EHBP1: variants seen among roughly 807,000 people sequenced by gnomAD.
EHBP1 encodes EH domain binding protein 1.
In EHBP1, 55 loss-of-function variants were observed where a neutral mutation model predicts 144.0. The observed-to-expected ratio is 0.38, with a 90% CI of 0.31 to 0.48. EHBP1 has a LOEUF of 0.48. Ranked by LOEUF, EHBP1 falls within the 20% of genes least tolerant of loss-of-function variation. EHBP1 has a pLI of 0.98. For synonymous variants in EHBP1, 469 were observed against 472.7 expected (o/e 0.99, Z 0.10); for missense variants, 1,200 against 1,364.2 (o/e 0.88, Z 1.90).
At chr2:62,858,653 C>T (rs1452408591) in intron 7 of EHBP1, 1 of 595,512 alleles carries the variant, frequency 1.7e-6, no homozygotes, top group Admixed American at 2.7e-5. Context: ...ATTTGTAGTG[C>T]ACCAACAGGC....
intron 19 of EHBP1, among the ~76,000 whole-genome samples, chr2:63,020,772 A>T (rs1422081812): frequency 6.6e-6 from 1 of 151,216 alleles, no homozygotes; most frequent in Non-Finnish European, 1.5e-5. Flanking sequence ...TTTGCCTCCC[A>T]GGTTCAAGCC....
intron 5 of EHBP1, among the ~76,000 whole-genome samples, chr2:62,780,870 G>T (rs1396636881): frequency 6.6e-6 from 1 of 151,716 alleles, no homozygotes; most frequent in African/African-American, 2.4e-5. Flanking sequence ...CTTGTTTTCT[G>T]GTTCTGTTTT....
At chr2:62,684,859 T>A (rs2033664888) in intron 1 of EHBP1, among the ~76,000 whole-genome samples, 1 of 152,198 alleles carries the variant, frequency 6.6e-6, no homozygotes, top group South Asian at 2.1e-4. Context: ...AGGGCAGCCA[T>A]AACAAAGTAC....
In EHBP1 at chr2:62,948,426, G is replaced by A. The variant is rs2057188559; in HGVS notation, c.1580G>A (p.Ser527Asn). 2 of 1,613,802 alleles carry A rather than the reference G, an allele frequency of 1.2e-6. No homozygotes were observed. The highest frequency in any genetic ancestry group is 2.2e-5 in the South Asian group (2 of 91,024). Residue 527 changes from serine (S) to asparagine (N), a missense_variant, in exon 13 of 23, where the codon AGT (serine) becomes AAT (asparagine). Transcript: ENST00000431489. ...LNVVQIEENS[S>N]KSTYKVGNYE... ...GTCGTTCAGATAGAGGAAAACAGCA[G>A]TAAAAGCACATATAAAGTTGGAAAC...
chr2:62,816,831 TC>T (rs1364876356), intron 5 of EHBP1, among the ~76,000 whole-genome samples: 1 of 152,024 alleles, frequency 6.6e-6, no homozygotes, highest in African/African-American at 2.4e-5. Context: ...CATTCCCTTT[TC>T]CCCCCACATA....
intron 9 of EHBP1, 74 bp from the exon 10 acceptor site, chr2:62,874,272 G>T: frequency 8.3e-7 from 1 of 1,202,710 alleles, no homozygotes; most frequent in Admixed American, 2.6e-5. Flanking sequence ...AGTTTTCAGT[G>T]CATGTTTTAT....
intron 7 of EHBP1, among the ~76,000 whole-genome samples, chr2:62,857,903 T>G (rs935763645): frequency 6.6e-6 from 1 of 152,110 alleles, no homozygotes; most frequent in African/African-American, 2.4e-5. Context: ...TGTTGCTTTT[T>G]TCTTGTTTTA....
At chr2:62,838,244 G>A (rs2047463634) in intron 7 of EHBP1, among the ~76,000 whole-genome samples, 1 of 151,960 alleles carries the variant, frequency 6.6e-6, no homozygotes, top group Non-Finnish European at 1.5e-5. Flanking sequence ...ATGACTACTG[G>A]GTACATAACG....
chr2:62,900,284 A>C (rs1245496031), intron 10 of EHBP1, among the ~76,000 whole-genome samples: 2 of 152,182 alleles, frequency 1.3e-5, no homozygotes, highest in African/African-American at 2.4e-5. Context: ...TGATGTTCAC[A>C]GGCTTTTTTG....
At chr2:62,899,929 T>C (rs2053257324) in intron 10 of EHBP1, among the ~76,000 whole-genome samples, 1 of 152,260 alleles carries the variant, frequency 6.6e-6, no homozygotes. Flanking sequence ...GAGTGGGTGC[T>C]GTTGTCTCCA....
intron 9 of EHBP1, among the ~76,000 whole-genome samples, chr2:62,868,177 C>G (rs1280405029): frequency 6.6e-6 from 1 of 152,092 alleles, no homozygotes; most frequent in Non-Finnish European, 1.5e-5. Flanking sequence ...GAGTTCAAGA[C>G]CAGCGTGGCC....
At position 62,798,153 on chromosome 2, in the gene EHBP1, C is replaced by T. The variant is rs773500951; in HGVS notation, c.312+26761C>T. ...AGGCCGAGGGAGGCGGATCACTTAA[C>T]GTCAGGAGTTTGAGACTAACCTGGC... On this transcript the variant is annotated intron_variant, in intron 5 of 22. Coordinates refer to ENST00000431489, the MANE Select transcript of EHBP1 (RefSeq NM_001142616.3). Among the ~76,000 whole-genome samples, 4 of 151,928 alleles carry T rather than the reference C, an allele frequency of 2.6e-5. No individual in the cohort carries two copies. The South Asian group carries it at 8.3e-4, about 32-fold the overall frequency.
At chr2:62,815,711 A>G (rs2045388620) in intron 5 of EHBP1, among the ~76,000 whole-genome samples, 2 of 152,204 alleles carry the variant, frequency 1.3e-5, no homozygotes, top group South Asian at 4.1e-4. Context: ...ATTATATGTC[A>G]ATGACAAAGT....
At position 62,962,235 on chromosome 2, in the gene EHBP1, G is replaced by C. The variant is rs1013858201; in HGVS notation, c.2460+6575G>C. Among the ~76,000 whole-genome samples, 5 of 152,136 alleles carry C rather than the reference G, an allele frequency of 3.3e-5. No individual in the cohort carries two copies. In the South Asian group the frequency reaches 8.3e-4, roughly 25 times the overall value. On this transcript the variant is annotated intron_variant, in intron 14 of 22. Coordinates refer to ENST00000431489, the MANE Select transcript of EHBP1 (RefSeq NM_001142616.3). ...CAGCTACTCGGGAGGCTGAGGCACA[G>C]GAATCGCTTGAACCCAGGAGGCAGA...
intron 19 of EHBP1, among the ~76,000 whole-genome samples, chr2:63,017,857 T>C (rs1285041061): frequency 1.3e-5 from 2 of 152,180 alleles, no homozygotes; most frequent in Admixed American, 6.5e-5. Context: ...AATAGTAAAT[T>C]TTGTTTTAAA....
upstream of EHBP1, among the ~76,000 whole-genome samples, chr2:62,703,622 T>TG (rs1178828422): frequency 6.6e-6 from 1 of 152,186 alleles, no homozygotes; most frequent in Non-Finnish European, 1.5e-5. Flanking sequence ...GCTACCTTGG[T>TG]GTCTAGAAGG....
At chr2:62,917,979 C>A (rs896373716) in intron 10 of EHBP1, among the ~76,000 whole-genome samples, 1 of 151,984 alleles carries the variant, frequency 6.6e-6, no homozygotes, top group Non-Finnish European at 1.5e-5. Flanking sequence ...TCACTGCAAC[C>A]TCCGCCTCCA....
At chr2:62,809,745 A>G (rs1010702202) in intron 5 of EHBP1, among the ~76,000 whole-genome samples, 1 of 152,216 alleles carries the variant, frequency 6.6e-6, no homozygotes, top group African/African-American at 2.4e-5. Context: ...AAGTGAGTAC[A>G]TGCAGTATTT....
intron 14 of EHBP1, among the ~76,000 whole-genome samples, chr2:62,970,661 A>T (rs190746475): frequency 6.6e-6 from 1 of 152,262 alleles, no homozygotes; most frequent in Non-Finnish European, 1.5e-5. Context: ...CGGCAAGTGT[A>T]AAAAGGACCC....
Sources: gnomAD v4.1 joint callset for allele counts (sites outside exome capture counted in the v4.1 genomes callset) on GRCh38, gnomAD v4.1.1 for gene constraint, MANE v1.5 for transcripts, NCBI Gene and HGNC (gene_info 2026-07-23, HGNC 2026-07-21) for gene names.